Variants in GAK observed in about 807,000 individuals in gnomAD.
The protein encoded by GAK is cyclin G associated kinase.
In GAK, 79 loss-of-function variants were observed where a neutral mutation model predicts 143.9. The observed-to-expected ratio is 0.55, with a 90% CI of 0.46 to 0.66. The LOEUF is 0.66. Ranked by LOEUF, GAK falls within the 30% of genes least tolerant of loss-of-function variation. The pLI, the probability that GAK is intolerant of heterozygous loss-of-function variation, is 0.00. For synonymous variants in GAK, 881 were observed against 765.5 expected (o/e 1.15, Z -2.49); for missense variants, 1,693 against 1,779.7 (o/e 0.95, Z 0.88).
At chr4:858,660 T>C (rs1208856210) in intron 24 of GAK, among the ~76,000 whole-genome samples, 1 of 152,170 alleles carries the variant, frequency 6.6e-6, no homozygotes, top group African/African-American at 2.4e-5. Context: ...AAAAAACTCT[T>C]GGGACTTCAT....
Position 896,032 on chromosome 4 carries a change from C to T in GAK, c.741+428G>A, listed in dbSNP as rs184987106. ...ATCGCAGCACTTTGGGAGGCTGAGG[C>T]AGGTGGACCGCTTGAGCTCAGGAGT... On this transcript the variant is annotated intron_variant, in intron 7 of 27. Coordinates refer to ENST00000314167, the MANE Select transcript of GAK (RefSeq NM_005255.4). 4.2e-3 allele frequency among the ~76,000 whole-genome samples: 641 copies of T among 152,282 alleles called. 5 individuals carry two copies. Among genetic ancestry groups the T allele is most frequent in the African/African-American group, 0.015 (607 of 41,544 alleles).
intron 3 of GAK, 125 bp from the exon 4 acceptor site, chr4:911,912 A>G (rs1211624544): frequency 1.4e-6 from 1 of 722,212 alleles, no homozygotes; most frequent in Non-Finnish European, 2.4e-6. Context: ...TTACAATTTT[A>G]GACGTCAGAG....
At chr4:892,441 C>G (rs1232337110) in intron 9 of GAK, among the ~76,000 whole-genome samples, 1 of 152,212 alleles carries the variant, frequency 6.6e-6, no homozygotes. Flanking sequence ...CCTCGAGGAT[C>G]TGGTGATGGA....
chr4:867,650 G>C (rs1323091140), intron 20 of GAK, among the ~76,000 whole-genome samples: 1 of 145,502 alleles, frequency 6.9e-6, no homozygotes, highest in East Asian at 2.1e-4. Flanking sequence ...ATGGCCCCTC[G>C]GCACCTCCTC....
At chr4:851,208 T>G in intron 25 of GAK, 124 bp from the exon 26 acceptor site, 1 of 760,660 alleles carries the variant, frequency 1.3e-6, no homozygotes, top group Non-Finnish European at 2.1e-6. Context: ...AGCGATCCTC[T>G]TGCCTCAGCC....
chr4:868,829 G>T, intron 19 of GAK, 144 bp from the exon 20 acceptor site: 1 of 771,362 alleles, frequency 1.3e-6, no homozygotes. Flanking sequence ...ATGACATGAC[G>T]GGGAGGGGCT....
rs942381649 is a variant in GAK at position 876,661 on chromosome 4, G to A, written c.1975-52C>T. On this transcript the variant is annotated intron_variant, in intron 17 of 27. Coordinates refer to ENST00000314167, the MANE Select transcript of GAK (RefSeq NM_005255.4). ...CACGTGGAGGGTGAATCCAGATCCT[G>A]GGGCCACAGGCCAATTTTTCCCAAT... The A allele has an allele frequency of 5.2e-6, 8 of 1,535,526 alleles. No homozygotes were observed. In the African/African-American group the frequency reaches 8.2e-5, roughly 16 times the overall value.
intron 6 of GAK, 149 bp from the exon 7 acceptor site, chr4:896,698 G>A (rs1409606258): frequency 3.0e-6 from 2 of 677,456 alleles, no homozygotes; most frequent in Non-Finnish European, 5.3e-6. Context: ...CCTCAGGCCA[G>A]TCGGCCCCAT....
chr4:896,438 A>G (rs1488685052), intron 7 of GAK, 22 bp downstream of exon 7: 2 of 1,605,086 alleles, frequency 1.2e-6, no homozygotes, highest in East Asian at 2.2e-5. Context: ...AGGCACTGCC[A>G]CTGAGAGGCG....
chr4:865,535 T>C (rs925996382), intron 22 of GAK, among the ~76,000 whole-genome samples: 1 of 152,166 alleles, frequency 6.6e-6, no homozygotes, highest in African/African-American at 2.4e-5. Flanking sequence ...GACCCCACTT[T>C]CTGCCGCCAT....
intron 23 of GAK, among the ~76,000 whole-genome samples, chr4:864,572 C>A (rs1014667078): frequency 1.4e-4 from 21 of 152,198 alleles, no homozygotes; most frequent in Non-Finnish European, 7.3e-5. Flanking sequence ...TCCAGGGTGA[C>A]GGGAAGGACA....
intron 10 of GAK, among the ~76,000 whole-genome samples, chr4:889,822 G>A (rs1717294120): frequency 6.6e-6 from 1 of 152,216 alleles, no homozygotes; most frequent in African/African-American, 2.4e-5. Flanking sequence ...TCCCGGCACG[G>A]AGTTCCAAGA....
At position 912,437 on chromosome 4, in the gene GAK, A is replaced by G. The variant is rs553429667; in HGVS notation, c.267+298T>C. 3,895 of 402,602 alleles carry G rather than the reference A, an allele frequency of 9.7e-3. 25 individuals carry two copies. The highest frequency in any genetic ancestry group is 0.014 in the Non-Finnish European group (3,044 of 212,034). 24.9% of individuals were successfully genotyped at this position (402,602 alleles called of 1,614,324 possible). Reference sequence around the variant, plus strand: ...GGAGCTGAGGGGGCCGGGCCGGGCAAGGGCCCCCTGTGGTAACCAGCCCAT... The same window carrying G: ...GGAGCTGAGGGGGCCGGGCCGGGCAGGGGCCCCCTGTGGTAACCAGCCCAT... On this transcript the variant is annotated intron_variant, in intron 3 of 27. Coordinates refer to ENST00000314167, the MANE Select transcript of GAK (RefSeq NM_005255.4).
At chr4:921,182 A>T (rs1723869974) in intron 1 of GAK, among the ~76,000 whole-genome samples, 1 of 152,008 alleles carries the variant, frequency 6.6e-6, no homozygotes. Context: ...AGTTGACTGT[A>T]GCCTCCGCCT....
rs560929888 is a variant in GAK at position 913,822 on chromosome 4, C to T, written c.146-154G>A. The T allele has an allele frequency of 2.1e-3, 1,309 of 622,820 alleles. 2 individuals are homozygous for T. Among genetic ancestry groups the T allele is most frequent in the Non-Finnish European group, 3.3e-3 (1,134 of 345,428 alleles). The allele number at this position is 622,820 out of a possible 1,614,324, so 38.6% of individuals were successfully genotyped here. A position where few individuals can be genotyped will look rare whatever the true frequency, so the allele number is the denominator to read the frequency against. On this transcript the variant is annotated intron_variant, in intron 1 of 27. Transcript: ENST00000314167. The stretch of plus-strand genomic sequence containing the variant: ...ATGGCCCCAGCGTACACGCCCCCCG[C>T]AAACACAGCCCCAGCATACATGCCC...
chr4:850,075 G>T lies in GAK; in HGVS notation c.3658-7C>A. 1 of 1,561,782 alleles carries T rather than the reference G, an allele frequency of 6.4e-7. No individual in the cohort carries two copies. Among genetic ancestry groups the T allele is most frequent in the Non-Finnish European group, 8.7e-7 (1 of 1,145,566 alleles). ...CCTCAATCCAGTCCAGGAGCTGCGG[G>T]AGACACGGAGCTTGCCGAGCCCTGG... On this transcript the variant is annotated splice_polypyrimidine_tract_variant and splice_region_variant and intron_variant, in intron 26 of 27. Transcript: ENST00000314167.
intron 1 of GAK, among the ~76,000 whole-genome samples, chr4:925,508 C>T (rs149541598): frequency 3.9e-5 from 6 of 152,302 alleles, no homozygotes; most frequent in African/African-American, 9.6e-5. Flanking sequence ...ACTTTTCTAA[C>T]GTAAAATACC....
chr4:870,123 G>A (rs544757394), intron 19 of GAK, among the ~76,000 whole-genome samples: 2 of 152,092 alleles, frequency 1.3e-5, no homozygotes, highest in African/African-American at 4.8e-5. Context: ...CACCACCCAC[G>A]GACACATACA....
chr4:901,963 C>T (rs937979170), intron 5 of GAK, among the ~76,000 whole-genome samples: 6 of 152,344 alleles, frequency 3.9e-5, no homozygotes, highest in South Asian at 2.1e-4. Context: ...CCTGGCCGGG[C>T]GTGGTGTCTC....
Sources: gnomAD v4.1 joint callset for allele counts (sites outside exome capture counted in the v4.1 genomes callset) on GRCh38, gnomAD v4.1.1 for gene constraint, MANE v1.5 for transcripts, NCBI Gene and HGNC (gene_info 2026-07-23, HGNC 2026-07-21) for gene names.